The following PLK2 variants were observed in gnomAD, a reference collection of about 807,000 sequenced individuals.
The protein encoded by PLK2 is polo like kinase 2.
PLK2 carries 25 observed loss-of-function variants against 78.1 expected under a neutral mutation model. The observed-to-expected ratio is 0.32, with a 90% CI of 0.23 to 0.45. PLK2 has a LOEUF of 0.45. Ranked by LOEUF, PLK2 falls within the 20% of genes least tolerant of loss-of-function variation. The pLI, the probability that PLK2 is intolerant of heterozygous loss-of-function variation, is 1.00. For synonymous variants in PLK2, 332 were observed against 298.2 expected, an observed-to-expected ratio of 1.11 and a Z score of -1.17; for missense variants, 566 against 840.2, an observed-to-expected ratio of 0.67 and a Z score of 4.04.
In PLK2 at chr5:58,458,473, T is replaced by G; in HGVS notation, c.551A>C (p.Tyr184Ser). ...TCCAGACACAATCTGCCTGAGGTAG[T>G]ATCGAACTTCTGGCTCTGTCAACAC... ...RKVLTEPEVR[Y>S]YLRQIVSGLK... Residue 184 changes from tyrosine to serine, a missense_variant, in exon 4 of 14, where the codon TAC (tyrosine) becomes TCC (serine). Physicochemically the swap from Tyr to Ser is moderately radical, Grantham distance 144. This residue lies in a region of PLK2 where 179 missense variants were observed against 342.3 expected (regional missense o/e 0.52). Transcript: ENST00000274289. 1.2e-6 allele frequency: 2 copies of G among 1,611,498 alleles called. No homozygotes were observed. Among genetic ancestry groups the G allele is most frequent in the Non-Finnish European group, 1.7e-6 (2 of 1,177,606 alleles).
At chr5:58,455,476 T>C (rs1743573184) in intron 11 of PLK2, 62 bp from the exon 12 acceptor site, 14 of 1,610,758 alleles carry the variant, frequency 8.7e-6, no homozygotes, top group East Asian at 2.2e-5. Flanking sequence ...TTAATCATTG[T>C]TTTTAGATTT....
At position 58,454,978 on chromosome 5, in the gene PLK2, A is replaced by G. The variant is rs1743557051; in HGVS notation, c.1799T>C (p.Leu600Pro). Residue 600 changes from leucine (L) to proline (P), a missense_variant, in exon 13 of 14, where the codon CTC (leucine) becomes CCC (proline). Physicochemically the swap from Leu to Pro is moderately conservative, Grantham distance 98. Coordinates refer to ENST00000274289, the MANE Select transcript of PLK2 (RefSeq NM_006622.4). ...AGATTTTAGCCACTGAAGGAGGTAG[A>G]GCCGAGGTCTTCGAATATCAGTAAC... ...PSVTDIRRPR[L>P]YLLQWLKSDK... 2 of 1,613,122 alleles carry G rather than the reference A, an allele frequency of 1.2e-6. No individual in the cohort carries two copies. Among genetic ancestry groups the G allele is most frequent in the Non-Finnish European group, 1.7e-6 (2 of 1,179,180 alleles).
At chr5:58,456,406 C>G in intron 9 of PLK2, 86 bp downstream of exon 9, 2 of 887,424 alleles carry the variant, frequency 2.3e-6, no homozygotes, top group South Asian at 1.6e-5. Flanking sequence ...ATATTTGAAC[C>G]ATGATAATCA....
Position 58,455,082 on chromosome 5 carries a change from A to G in PLK2, c.1756-61T>C. On this transcript the variant is annotated intron_variant, in intron 12 of 13. Transcript: ENST00000274289. ...AAGATTTTGTAGCATGCACTCTATT[A>G]TTATTCTAAGAAAATCCTCTCAAAC... 3.4e-6 allele frequency: 4 copies of G among 1,168,034 alleles called. No individual in the cohort carries two copies. The South Asian group carries it at 5.1e-5, about 15-fold the overall frequency. The allele number at this position is 1,168,034 out of a possible 1,614,324, so 72.4% of individuals were successfully genotyped here. A position where few individuals can be genotyped will look rare whatever the true frequency, so the allele number is the denominator to read the frequency against.
intron 1 of PLK2, 23 bp from the exon 2 acceptor site, chr5:58,459,115 C>A (rs764035143): frequency 2.3e-6 from 3 of 1,301,272 alleles, no homozygotes; most frequent in Non-Finnish European, 3.3e-6. Context: ...AAAGCCGAGA[C>A]GGAATTGAGG....
At position 58,454,975 on chromosome 5, in the gene PLK2, T is replaced by C; in HGVS notation, c.1802A>G (p.Tyr601Cys). ...ATCAGATTTTAGCCACTGAAGGAGG[T>C]AGAGCCGAGGTCTTCGAATATCAGT... The part of the protein sequence containing the change: ...SVTDIRRPRL[Y>C]LLQWLKSDKA... The change falls in exon 13 of 14, where the codon TAC becomes TGC. Residue 601 changes from tyrosine to cysteine, a missense_variant. By Grantham distance (194) the Tyr-to-Cys change is radical. This residue lies in a region of PLK2 where 130 missense variants were observed against 196.4 expected (regional missense o/e 0.66). Coordinates refer to ENST00000274289, the MANE Select transcript of PLK2 (RefSeq NM_006622.4). The C allele has an allele frequency of 1.2e-6, 2 of 1,613,120 alleles. No homozygotes were observed. The highest frequency in any genetic ancestry group is 1.7e-6 in the Non-Finnish European group (2 of 1,179,152).
In PLK2 at chr5:58,455,927, T is replaced by C. The variant is rs1039278437; in HGVS notation, c.1384+99A>G. On this transcript the variant is annotated intron_variant, in intron 10 of 13. Transcript: ENST00000274289. ...AATTCCTGTAATCTTACTACTTCTATGTTAAATTAAGCTACAAAGTAAATT... is the reference window on the plus strand; with the variant it reads ...AATTCCTGTAATCTTACTACTTCTACGTTAAATTAAGCTACAAAGTAAATT... The C allele has an allele frequency of 8.1e-6, 12 of 1,480,542 alleles. No homozygotes were observed. The Admixed American group carries it at 9.8e-5, about 12-fold the overall frequency. The allele number at this position is 1,480,542 out of a possible 1,614,324, so 91.7% of individuals were successfully genotyped here.
rs1743576093 is a variant in PLK2 at position 58,455,572 on chromosome 5, T to C, written c.1592A>G (p.Asn531Ser). 1 of 1,613,990 alleles carries C rather than the reference T, an allele frequency of 6.2e-7. No individual in the cohort carries two copies. Among genetic ancestry groups the C allele is most frequent in the Non-Finnish European group, 8.5e-7 (1 of 1,179,988 alleles). Residue 531 changes from asparagine to serine, a missense_variant, in exon 11 of 14, where the codon AAT becomes AGT. Asn to Ser is a conservative substitution (Grantham distance 46). This residue lies in a region of PLK2 where 130 missense variants were observed against 196.4 expected (regional missense o/e 0.66). Coordinates refer to ENST00000274289, the MANE Select transcript of PLK2 (RefSeq NM_006622.4). Reference sequence around the variant, plus strand: ...TGGAAGGAGGCTCATGTGAGCACCATTGTTGAAAAGGACACCGACGGTGTG... The same window carrying C: ...TGGAAGGAGGCTCATGTGAGCACCACTGTTGAAAAGGACACCGACGGTGTG... ...SDHTVGVLFN[N>S]GAHMSLLPDK...
intron 5 of PLK2, chr5:58,457,857 T>C (rs1383467445): frequency 3.4e-6 from 2 of 595,980 alleles, no homozygotes; most frequent in South Asian, 2.1e-5. Flanking sequence ...TGGCATTTTA[T>C]ACATTTTAAG....
intron 2 of PLK2, 45 bp from the exon 3 acceptor site, chr5:58,458,886 C>T: frequency 7.3e-7 from 1 of 1,362,688 alleles, no homozygotes; most frequent in African/African-American, 1.4e-5. Context: ...CCAGTCACCT[C>T]GGAAAAGCCA....
Position 58,458,855 on chromosome 5 carries a change from C to T in PLK2, c.379-14G>A, listed in dbSNP as rs1315346201. On this transcript the variant is annotated splice_polypyrimidine_tract_variant and intron_variant, in intron 2 of 13. Transcript: ENST00000274289. ...TTCTTTGTCAATCTAAATGAAAAAG[C>T]AAGGTAAGGCTTATTAGCTTCCAGT... 2 of 1,500,702 alleles carry T rather than the reference C, an allele frequency of 1.3e-6. No individual in the cohort carries two copies. Among genetic ancestry groups the T allele is most frequent in the African/African-American group, 2.8e-5 (2 of 72,546 alleles). The allele number at this position is 1,500,702 out of a possible 1,614,324, so 93.0% of individuals were successfully genotyped here.
Position 58,457,958 on chromosome 5 carries a change from C to G in PLK2, c.713+126G>C, listed in dbSNP as rs1036051554. The G allele has an allele frequency of 2.8e-4, 208 of 733,020 alleles. No homozygotes were observed. The East Asian group carries it at 4.7e-3, about 16-fold the overall frequency. The allele number at this position is 733,020 out of a possible 1,614,324, so 45.4% of individuals were successfully genotyped here. ...CATAGTGGGCATTTAATAAGTATTTCTTTAAATTAACATTGCTATGATTTA... is the reference window on the plus strand; with the variant it reads ...CATAGTGGGCATTTAATAAGTATTTGTTTAAATTAACATTGCTATGATTTA... On this transcript the variant is annotated intron_variant, in intron 5 of 13. Coordinates refer to ENST00000274289, the MANE Select transcript of PLK2 (RefSeq NM_006622.4).
At chr5:58,459,631 T>C (rs1165307545) in intron 1 of PLK2, 59 bp downstream of exon 1, 14 of 1,427,390 alleles carry the variant, frequency 9.8e-6, no homozygotes, top group Non-Finnish European at 1.2e-5. Context: ...TTGCCCGGCT[T>C]GGGGTCGCCC....
chr5:58,458,472 G>A lies in PLK2; in HGVS notation c.552C>T (p.Tyr184=), dbSNP rs1743668135. 1 of 1,611,128 alleles carries A rather than the reference G, an allele frequency of 6.2e-7. No individual in the cohort carries two copies. The highest frequency in any genetic ancestry group is 8.5e-7 in the Non-Finnish European group (1 of 1,177,384). Reference sequence around the variant, plus strand: ...GTCCAGACACAATCTGCCTGAGGTAGTATCGAACTTCTGGCTCTGTCAACA... The same window carrying A: ...GTCCAGACACAATCTGCCTGAGGTAATATCGAACTTCTGGCTCTGTCAACA... ...RKVLTEPEVR[Y]YLRQIVSGLK... Residue 184 remains tyrosine, a synonymous_variant, in exon 4 of 14, where the codon TAC becomes TAT. Coordinates refer to ENST00000274289, the MANE Select transcript of PLK2 (RefSeq NM_006622.4).
chr5:58,459,846 G>T lies in PLK2; in HGVS notation c.114C>A (p.Pro38=), dbSNP rs781396886. The stretch of plus-strand genomic sequence containing the variant: ...ACTGAGGTGGCTGCGATTCCTCGGG[G>T]GGCTGCGGCGGCCGCTTCTTCTTCG... The part of the protein sequence containing the change: ...ADSKKKRPPQ[P]PEESQPPQSQ... The change falls in exon 1 of 14, where the codon CCC becomes CCA. Residue 38 remains proline (P), a synonymous_variant. Transcript: ENST00000274289. 2 of 1,610,178 alleles carry T rather than the reference G, an allele frequency of 1.2e-6. No homozygotes were observed. Among genetic ancestry groups the T allele is most frequent in the Non-Finnish European group, 8.5e-7 (1 of 1,179,722 alleles).
At chr5:58,455,883 G>A in intron 10 of PLK2, 104 bp from the exon 11 acceptor site, 1 of 1,490,334 alleles carries the variant, frequency 6.7e-7, no homozygotes, top group South Asian at 1.2e-5. Context: ...GAAAGACATA[G>A]AACTCAAGAT....
intron 1 of PLK2, chr5:58,459,422 G>A (rs1278272114): frequency 1.8e-6 from 1 of 566,112 alleles, no homozygotes; most frequent in Non-Finnish European, 3.1e-6. Context: ...AGAGAGGTCT[G>A]ATGTAGAAAG....
chr5:58,457,620 A>G lies in PLK2; in HGVS notation c.714-37T>C, dbSNP rs770874811. On this transcript the variant is annotated intron_variant, in intron 5 of 13. Coordinates refer to ENST00000274289, the MANE Select transcript of PLK2 (RefSeq NM_006622.4). Reference sequence around the variant, plus strand: ...AAATATTGAGATCGTGTTAGGAACTATTCCACTACTTAAACTTGGTTCTCT... The same window carrying G: ...AAATATTGAGATCGTGTTAGGAACTGTTCCACTACTTAAACTTGGTTCTCT... 8 of 1,222,942 alleles carry G rather than the reference A, an allele frequency of 6.5e-6. No homozygotes were observed. The African/African-American group carries it at 8.9e-5, about 14-fold the overall frequency. 75.8% of individuals were successfully genotyped at this position (1,222,942 alleles called of 1,614,324 possible).
intron 4 of PLK2, 105 bp from the exon 5 acceptor site, chr5:58,458,276 C>T (rs1427088945): frequency 3.1e-6 from 4 of 1,308,258 alleles, no homozygotes; most frequent in Non-Finnish European, 4.4e-6. Context: ...ATATGAAAGT[C>T]GCCCATTCAA....
Sources: gnomAD v4.1 joint callset for allele counts on GRCh38, gnomAD v4.1.1 for gene constraint, gnomAD v4.1.1 regional missense constraint, MANE v1.5 for transcripts, NCBI Gene and HGNC (gene_info 2026-07-23, HGNC 2026-07-21) for gene names.